Variants in NLGN1 observed in about 807,000 individuals in gnomAD.
The protein encoded by NLGN1 is neuroligin-1.
In NLGN1, 12 loss-of-function variants were observed where a neutral mutation model predicts 65.5. That is an observed-to-expected ratio of 0.18 (90% CI 0.12 to 0.30). NLGN1 has a LOEUF of 0.30. Among genes scored for constraint, NLGN1 ranks in the 10% least tolerant of loss-of-function variants. The pLI is 1.00. For missense variants in NLGN1, 750 were observed against 1,007.1 expected (o/e 0.74, Z 3.46); for synonymous variants, 350 against 359.5 (o/e 0.97, Z 0.30).
chr3:173,530,248 C>T (rs189003685), intron 2 of NLGN1, among the ~76,000 whole-genome samples: 5 of 152,298 alleles, frequency 3.3e-5, no homozygotes, highest in Admixed American at 2.6e-4. Context: ...AGCCACCATG[C>T]CCGACCTTAT....
intron 4 of NLGN1, among the ~76,000 whole-genome samples, chr3:174,232,357 T>C (rs1044637497): frequency 2.0e-5 from 3 of 152,122 alleles, no homozygotes; most frequent in Non-Finnish European, 4.4e-5. Flanking sequence ...TGTCATCAGT[T>C]AAGGCAGGAA....
At chr3:173,792,052 G>A (rs180820307) in intron 3 of NLGN1, among the ~76,000 whole-genome samples, 11 of 152,180 alleles carry the variant, frequency 7.2e-5, no homozygotes, top group Admixed American at 2.6e-4. Context: ...TTGTGTCCCC[G>A]AAATACTCCA....
intron 4 of NLGN1, among the ~76,000 whole-genome samples, chr3:174,163,383 T>C (rs992731438): frequency 3.3e-5 from 5 of 152,056 alleles, no homozygotes; most frequent in African/African-American, 1.2e-4. Context: ...TTTTCCCTTG[T>C]ATTACACCTT....
intron 4 of NLGN1, among the ~76,000 whole-genome samples, chr3:174,111,914 A>G (rs899360960): frequency 3.3e-5 from 5 of 151,994 alleles, no homozygotes; most frequent in Non-Finnish European, 5.9e-5. Flanking sequence ...ATATATTAAA[A>G]CATGCTAAAC....
intron 4 of NLGN1, among the ~76,000 whole-genome samples, chr3:173,862,068 C>T (rs575083129): frequency 6.6e-6 from 1 of 151,766 alleles, no homozygotes; most frequent in Admixed American, 6.6e-5. Context: ...CACACCCGGC[C>T]AATTTTTCAT....
chr3:173,753,153 C>T (rs925937954), intron 3 of NLGN1, among the ~76,000 whole-genome samples: 1 of 152,072 alleles, frequency 6.6e-6, no homozygotes, highest in African/African-American at 2.4e-5. Flanking sequence ...AAACTACACT[C>T]ATTGCCTTAT....
At chr3:173,944,483 G>C (rs1480194730) in intron 4 of NLGN1, among the ~76,000 whole-genome samples, 4 of 152,134 alleles carry the variant, frequency 2.6e-5, no homozygotes, top group Admixed American at 2.0e-4. Flanking sequence ...CCCTGGAAAA[G>C]TTGACTGGAT....
At chr3:173,449,969 A>G (rs1321354401) in intron 2 of NLGN1, among the ~76,000 whole-genome samples, 5 of 152,004 alleles carry the variant, frequency 3.3e-5, no homozygotes, top group African/African-American at 1.2e-4. Context: ...TGCACATGAG[A>G]TGGGTTTCCT....
chr3:173,878,907 G>A (rs773666584), intron 4 of NLGN1, among the ~76,000 whole-genome samples: 2 of 152,014 alleles, frequency 1.3e-5, no homozygotes, highest in East Asian at 3.9e-4. Context: ...TGTTGCCTAA[G>A]AAAGTGGGGA....
intron 3 of NLGN1, among the ~76,000 whole-genome samples, chr3:173,654,203 G>A (rs544144561): frequency 4.6e-5 from 7 of 152,048 alleles, no homozygotes; most frequent in African/African-American, 1.4e-4. Context: ...TAAACTTTCC[G>A]CTTTGCACTA....
Position 173,971,116 on chromosome 3 carries a change from C to T in NLGN1, c.646+163284C>T, listed in dbSNP as rs1043532363. 2.2e-4 allele frequency among the ~76,000 whole-genome samples: 33 copies of T among 151,826 alleles called. 1 individual carries two copies. The highest frequency in any genetic ancestry group is 7.3e-4 in the African/African-American group (30 of 41,300). ...AAGGGTGAAAAACTGCGTGCATTCA[C>T]TATTATTTGAAAATTATGTGGAAAA... On this transcript the variant is annotated intron_variant, in intron 4 of 6. Coordinates refer to ENST00000457714, the Ensembl canonical transcript of NLGN1.
intron 4 of NLGN1, among the ~76,000 whole-genome samples, chr3:173,809,397 T>A (rs937144756): frequency 1.3e-5 from 2 of 152,180 alleles, no homozygotes; most frequent in Non-Finnish European, 2.9e-5. Context: ...ATGGTAGTAT[T>A]GTTGAGAGCT....
intron 2 of NLGN1, among the ~76,000 whole-genome samples, chr3:173,459,230 ATATT>A (rs1354151350): frequency 1.3e-5 from 2 of 152,140 alleles, no homozygotes; most frequent in Non-Finnish European, 2.9e-5. Flanking sequence ...TAGTTAAAAT[ATATT>A]TATTTAATGA....
At chr3:173,994,588 C>T (rs1027848401) in intron 4 of NLGN1, among the ~76,000 whole-genome samples, 2 of 148,926 alleles carry the variant, frequency 1.3e-5, no homozygotes, top group African/African-American at 2.5e-5. Context: ...AAATTTTAAG[C>T]TCATGCGTGA....
chr3:174,030,312 G>T (rs1248634599), intron 4 of NLGN1, among the ~76,000 whole-genome samples: 1 of 151,922 alleles, frequency 6.6e-6, no homozygotes. Flanking sequence ...TTTTAGTAGA[G>T]ATGGGGTTTC....
chr3:174,111,431 G>A (rs919848003), intron 4 of NLGN1, among the ~76,000 whole-genome samples: 1 of 151,820 alleles, frequency 6.6e-6, no homozygotes, highest in Admixed American at 6.6e-5. Flanking sequence ...AGTTTTTAAA[G>A]GTTGGCAATT....
intron 4 of NLGN1, among the ~76,000 whole-genome samples, chr3:174,048,058 G>A (rs1734006320): frequency 1.3e-5 from 2 of 152,054 alleles, no homozygotes; most frequent in South Asian, 2.1e-4. Context: ...CAGTTGCACA[G>A]GAGGGACTTA....
At chr3:173,749,354 G>C (rs910854848) in intron 3 of NLGN1, among the ~76,000 whole-genome samples, 1 of 152,002 alleles carries the variant, frequency 6.6e-6, no homozygotes, top group African/African-American at 2.4e-5. Context: ...AGGCAGATCA[G>C]TTTGTCTTTC....
chr3:174,092,672 A>T (rs1174744080), intron 4 of NLGN1, among the ~76,000 whole-genome samples: 1 of 152,128 alleles, frequency 6.6e-6, no homozygotes, highest in Non-Finnish European at 1.5e-5. Context: ...TCAGCAGGGA[A>T]ATTGGGTCTC....
Sources: gnomAD v4.1 joint callset for allele counts (sites outside exome capture counted in the v4.1 genomes callset) on GRCh38, gnomAD v4.1.1 for gene constraint, MANE v1.5 for transcripts, NCBI Gene and HGNC (gene_info 2026-07-23, HGNC 2026-07-21) for gene names.